AGBL3: variants seen among roughly 807,000 people sequenced by gnomAD.
AGBL3 encodes the protein cytosolic carboxypeptidase 3.
In AGBL3, 68 loss-of-function variants were observed where a neutral mutation model predicts 94.5. The ratio of observed to expected loss-of-function variants is 0.72; its 90% CI spans 0.59 to 0.88. AGBL3 has a LOEUF of 0.88. Ranked by LOEUF, AGBL3 falls within the 40% of genes least tolerant of loss-of-function variation. The probability of loss-of-function intolerance (pLI) is 0.00; values close to 1 mark genes in which losing one functional copy is unlikely to be tolerated. For synonymous variants in AGBL3, 354 were observed against 370.7 expected, an observed-to-expected ratio of 0.95 and a Z score of 0.52; for missense variants, 934 against 1,103.8, an observed-to-expected ratio of 0.85 and a Z score of 2.18.
chr7:135,064,341 G>A (rs1179814925), intron 12 of AGBL3, among the ~76,000 whole-genome samples: 1 of 152,194 alleles, frequency 6.6e-6, no homozygotes, highest in Non-Finnish European at 1.5e-5. Context: ...AAGGTTGCAG[G>A]AGCAGGTCAT....
intron 4 of AGBL3, among the ~76,000 whole-genome samples, chr7:135,001,320 C>A (rs1004230713): frequency 3.9e-5 from 6 of 152,138 alleles, no homozygotes; most frequent in Non-Finnish European, 8.8e-5. Flanking sequence ...TTCTCCACCC[C>A]CTTTCCATTT....
At chr7:135,094,425 C>G (rs1271027849) in intron 15 of AGBL3, 1 of 456,648 alleles carries the variant, frequency 2.2e-6, no homozygotes, top group Non-Finnish European at 4.4e-6. Flanking sequence ...AACACTTAAA[C>G]AGTGATTTTA....
intron 15 of AGBL3, among the ~76,000 whole-genome samples, chr7:135,083,670 C>T (rs143858716): frequency 2.6e-4 from 40 of 152,184 alleles, no homozygotes; most frequent in African/African-American, 7.7e-4. Flanking sequence ...AGGTGTAATA[C>T]GGGATCATGA....
rs1447067496 is a variant in AGBL3, at chr7:134,986,521, G to GA, written c.-239dup. On this transcript the variant is annotated 5_prime_UTR_variant, in exon 1 of 17. The change abolishes the stop of an existing upstream ORF in the 5' untranslated region. Coordinates refer to ENST00000436302, the MANE Select transcript of AGBL3 (RefSeq NM_178563.4). The stretch of plus-strand genomic sequence containing the variant: ...GAGGGCGGACCCGTTGCCTGATGAC[G>GA]AGAGTTGGGAGTGTGGCTGGGGCTG... 1 of 152,340 alleles carries GA rather than the reference G, an allele frequency of 6.6e-6. No individual in the cohort carries two copies. The highest frequency in any genetic ancestry group is 1.5e-5 in the Non-Finnish European group (1 of 68,114). 9.4% of individuals were successfully genotyped at this position (152,340 alleles called of 1,614,324 possible). A position where few individuals can be genotyped will look rare whatever the true frequency, so the allele number is the denominator to read the frequency against.
rs1817313963 is a variant in AGBL3, at chr7:135,045,922, G to A, written c.1841+11G>A. 2 of 1,471,828 alleles carry A rather than the reference G, an allele frequency of 1.4e-6. No homozygotes were observed. The highest frequency in any genetic ancestry group is 1.8e-6 in the Non-Finnish European group (2 of 1,082,378). 91.2% of individuals were successfully genotyped at this position (1,471,828 alleles called of 1,614,324 possible). A position where few individuals can be genotyped will look rare whatever the true frequency, so the allele number is the denominator to read the frequency against. The stretch of plus-strand genomic sequence containing the variant: ...GGATGTAGAGTCTAGGTAACTCAAG[G>A]CTGCTGAAGTAATGCAATTTGTTGT... On this transcript the variant is annotated intron_variant, in intron 11 of 16. Coordinates refer to ENST00000436302, the MANE Select transcript of AGBL3 (RefSeq NM_178563.4).
chr7:135,025,246 G>T (rs185541262), intron 5 of AGBL3, among the ~76,000 whole-genome samples: 23 of 151,538 alleles, frequency 1.5e-4, no homozygotes, highest in African/African-American at 5.3e-4. Context: ...TGTACAAAGG[G>T]AACCCCATCC....
intron 15 of AGBL3, among the ~76,000 whole-genome samples, chr7:135,089,561 G>A (rs1384370094): frequency 6.6e-6 from 1 of 152,180 alleles, no homozygotes; most frequent in African/African-American, 2.4e-5. Context: ...GGAAGGATGT[G>A]CTGACTTGTT....
intron 8 of AGBL3, 135 bp downstream of exon 8, chr7:135,037,715 A>G (rs1816452481): frequency 1.4e-6 from 1 of 691,494 alleles, no homozygotes; most frequent in Non-Finnish European, 2.1e-6. Context: ...ACAATTGACA[A>G]TAAGAAAGCA....
chr7:135,071,792 C>T (rs1173358426), intron 12 of AGBL3, among the ~76,000 whole-genome samples: 1 of 152,074 alleles, frequency 6.6e-6, no homozygotes, highest in Non-Finnish European at 1.5e-5. Flanking sequence ...AATGTTAGAC[C>T]TAAAACCATA....
chr7:135,040,480 C>T (rs1816740132), intron 8 of AGBL3, among the ~76,000 whole-genome samples: 1 of 151,752 alleles, frequency 6.6e-6, no homozygotes, highest in Non-Finnish European at 1.5e-5. Flanking sequence ...GAAAATTAAT[C>T]ATTGTAATCC....
intron 11 of AGBL3, among the ~76,000 whole-genome samples, chr7:135,058,752 CTCT>C (rs756813854): frequency 2.9e-4 from 44 of 152,144 alleles, no homozygotes; most frequent in East Asian, 3.9e-4. Context: ...AACATTCTTC[CTCT>C]TCTTCTTTTT....
chr7:135,088,489 T>C (rs932049494), intron 15 of AGBL3, among the ~76,000 whole-genome samples: 3 of 152,184 alleles, frequency 2.0e-5, no homozygotes, highest in African/African-American at 7.2e-5. Flanking sequence ...TTTATACTTT[T>C]ATATGTTTTA....
At chr7:135,037,670 A>C (rs1304689064) in intron 8 of AGBL3, 90 bp downstream of exon 8, 36 of 1,131,556 alleles carry the variant, frequency 3.2e-5, no homozygotes, top group Non-Finnish European at 4.0e-5. Flanking sequence ...TACTATTCCA[A>C]ACTGCTTTTT....
chr7:135,076,963 T>C (rs1820510804), intron 13 of AGBL3, among the ~76,000 whole-genome samples: 1 of 152,120 alleles, frequency 6.6e-6, no homozygotes, highest in Admixed American at 6.5e-5. Flanking sequence ...GAAACAAAAA[T>C]TTATTCAAGA....
intron 16 of AGBL3, among the ~76,000 whole-genome samples, chr7:135,124,974 T>C (rs78231440): frequency 1.3e-5 from 2 of 151,816 alleles, no homozygotes; most frequent in Non-Finnish European, 2.9e-5. Flanking sequence ...CACACCCAAA[T>C]ATCACAATTA....
At chr7:135,090,037 C>A (rs1420445257) in intron 15 of AGBL3, among the ~76,000 whole-genome samples, 1 of 152,194 alleles carries the variant, frequency 6.6e-6, no homozygotes, top group Non-Finnish European at 1.5e-5. Flanking sequence ...GGACTCAGCA[C>A]TGGCCTGACT....
chr7:135,082,602 T>C (rs1821010859), intron 15 of AGBL3, among the ~76,000 whole-genome samples: 1 of 152,160 alleles, frequency 6.6e-6, no homozygotes, highest in Non-Finnish European at 1.5e-5. Flanking sequence ...TTCTAAAATC[T>C]TGACATATTG....
chr7:135,081,555 A>G (rs1327524432), intron 14 of AGBL3, among the ~76,000 whole-genome samples, 164 bp from the exon 15 acceptor site: 1 of 152,214 alleles, frequency 6.6e-6, no homozygotes, highest in Admixed American at 6.5e-5. Context: ...TAAATGCAAC[A>G]AAAATTTGTA....
chr7:135,083,058 T>G (rs964238729), intron 15 of AGBL3, among the ~76,000 whole-genome samples: 2 of 152,094 alleles, frequency 1.3e-5, no homozygotes, highest in Non-Finnish European at 2.9e-5. Context: ...TTGGTATCCT[T>G]TTTTCTCGCT....
Sources: gnomAD v4.1 joint callset for allele counts (sites outside exome capture counted in the v4.1 genomes callset) on GRCh38, gnomAD v4.1.1 for gene constraint, MANE v1.5 for transcripts, NCBI Gene and HGNC (gene_info 2026-07-23, HGNC 2026-07-21) for gene names.